HDAC9: variants seen among roughly 807,000 people sequenced by gnomAD.
The protein encoded by HDAC9 is MEF-2 interacting transcription repressor (MITR) protein.
In HDAC9, 41 loss-of-function variants were observed where a neutral mutation model predicts 139.4. The ratio of observed to expected loss-of-function variants is 0.29; its 90% confidence interval spans 0.23 to 0.38. The LOEUF is 0.38. Ranked by LOEUF, HDAC9 falls within the 10% of genes least tolerant of loss-of-function variation. The pLI is 1.00. For synonymous variants in HDAC9, 517 were observed against 476.2 expected (o/e 1.09, Z -1.12); for missense variants, 1,147 against 1,297.0 (o/e 0.88, Z 1.78).
At chr7:18,920,497 C>A (rs1443699718) in intron 22 of HDAC9, among the ~76,000 whole-genome samples, 1 of 152,094 alleles carries the variant, frequency 6.6e-6, no homozygotes, top group East Asian at 1.9e-4. Flanking sequence ...CCTTCTCCTG[C>A]CTGATTGCCC....
intron 1 of HDAC9, among the ~76,000 whole-genome samples, chr7:18,142,427 A>G (rs1785971233): frequency 6.6e-6 from 1 of 152,068 alleles, no homozygotes; most frequent in Non-Finnish European, 1.5e-5. Flanking sequence ...CTCCCTATTA[A>G]AAAAATACAC....
intron 2 of HDAC9, among the ~76,000 whole-genome samples, chr7:18,520,246 A>G (rs1288788650): frequency 6.6e-6 from 1 of 152,158 alleles, no homozygotes; most frequent in Non-Finnish European, 1.5e-5. Flanking sequence ...TAATCATGCT[A>G]TATTTTTCTT....
intron 22 of HDAC9, among the ~76,000 whole-genome samples, chr7:18,915,115 G>A (rs949578722): frequency 5.3e-5 from 8 of 152,082 alleles, no homozygotes; most frequent in African/African-American, 9.7e-5. Flanking sequence ...GTCTGTATGT[G>A]TAGGGGATGT....
chr7:18,549,175 T>C (rs539581249), intron 2 of HDAC9, among the ~76,000 whole-genome samples: 1 of 151,944 alleles, frequency 6.6e-6, no homozygotes, highest in Non-Finnish European at 1.5e-5. Context: ...GAGGTGGGGG[T>C]TGCAGTGAGC....
chr7:18,696,815 A>G (rs1783087140), intron 12 of HDAC9, among the ~76,000 whole-genome samples: 1 of 152,064 alleles, frequency 6.6e-6, no homozygotes, highest in African/African-American at 2.4e-5. Flanking sequence ...CTGTACAATT[A>G]CAGGTGAGAT....
intron 14 of HDAC9, among the ~76,000 whole-genome samples, chr7:18,759,066 A>C (rs543031578): frequency 1.6e-4 from 25 of 152,308 alleles, no homozygotes; most frequent in African/African-American, 5.8e-4. Flanking sequence ...GGTACATTTT[A>C]ATGGCAAGGA....
intron 1 of HDAC9, among the ~76,000 whole-genome samples, chr7:18,431,989 C>T (rs1414829248): frequency 6.6e-6 from 1 of 152,222 alleles, no homozygotes; most frequent in Non-Finnish European, 1.5e-5. Flanking sequence ...CCTTCCTCCT[C>T]ACATCCTTCT....
At chr7:18,589,199 G>A (rs939700830) in intron 3 of HDAC9, among the ~76,000 whole-genome samples, 6 of 152,074 alleles carry the variant, frequency 3.9e-5, no homozygotes, top group African/African-American at 1.4e-4. Context: ...CTCAGTCTGA[G>A]TGGAAATAGA....
chr7:18,345,212 G>A (rs1585276983), intron 1 of HDAC9, among the ~76,000 whole-genome samples: 1 of 151,922 alleles, frequency 6.6e-6, no homozygotes, highest in East Asian at 1.9e-4. Context: ...CCAAAGCCCA[G>A]AATTTTCTTT....
chr7:18,246,063 G>A (rs932578704), intron 2 of HDAC9, among the ~76,000 whole-genome samples: 1 of 150,302 alleles, frequency 6.7e-6, no homozygotes, highest in African/African-American at 2.5e-5. Flanking sequence ...CCTTCATGGA[G>A]CTTTCATTCT....
At chr7:18,188,728 G>A (rs1490788769) in intron 2 of HDAC9, among the ~76,000 whole-genome samples, 1 of 152,118 alleles carries the variant, frequency 6.6e-6, no homozygotes, top group Non-Finnish European at 1.5e-5. Flanking sequence ...CATAGCCAGC[G>A]AACATGTGAA....
intron 1 of HDAC9, among the ~76,000 whole-genome samples, chr7:18,311,674 C>G (rs930042795): frequency 3.3e-5 from 5 of 152,128 alleles, no homozygotes; most frequent in Admixed American, 1.3e-4. Context: ...CTTACCTAGT[C>G]AGCTCCTTCA....
intron 12 of HDAC9, among the ~76,000 whole-genome samples, chr7:18,707,368 G>A (rs911795881): frequency 2.0e-5 from 3 of 152,200 alleles, no homozygotes; most frequent in Admixed American, 6.5e-5. Context: ...AGAAGTCAAT[G>A]TGGGGAGATA....
At chr7:18,676,729 C>A (rs4721717) in intron 12 of HDAC9, among the ~76,000 whole-genome samples, 52,634 of 151,538 alleles carry the variant, frequency 0.35, 13,724 homozygotes, top group African/African-American at 0.71. Context: ...TCTTTATCAC[C>A]TACAAATCTT....
intron 17 of HDAC9, 55 bp from the exon 18 acceptor site, chr7:18,829,106 C>T: frequency 1.6e-6 from 2 of 1,257,950 alleles, no homozygotes; most frequent in Non-Finnish European, 2.3e-6. Flanking sequence ...CAAGCAATCC[C>T]TCTCCTACCC....
At chr7:18,749,955 G>C (rs975583907) in intron 14 of HDAC9, among the ~76,000 whole-genome samples, 17 of 152,016 alleles carry the variant, frequency 1.1e-4, no homozygotes, top group Admixed American at 1.1e-3. Context: ...TCTCTGTTAG[G>C]TTCTAAACAT....
intron 25 of HDAC9, among the ~76,000 whole-genome samples, chr7:18,980,745 CCTT>C (rs1230339394): frequency 9.2e-5 from 3 of 32,714 alleles, no homozygotes; most frequent in Non-Finnish European, 2.1e-4. Context: ...TCTTCTTCTT[CCTT>C]CTTCTTCTTC....
chr7:18,795,257 T>TAAAAAAAA (rs5882676), intron 17 of HDAC9, among the ~76,000 whole-genome samples: 16 of 65,490 alleles, frequency 2.4e-4, no homozygotes, highest in African/African-American at 4.8e-4. Context: ...AAGAAAACAG[T>TAAAAAAAA]AAAAAAAAAA....
At chr7:18,267,138 A>G (rs546303835) in intron 2 of HDAC9, among the ~76,000 whole-genome samples, 1 of 152,260 alleles carries the variant, frequency 6.6e-6, no homozygotes, top group South Asian at 2.1e-4. Flanking sequence ...TGGCTTTATT[A>G]TGATAGTGTA....
Sources: gnomAD v4.1 joint callset for allele counts (sites outside exome capture counted in the v4.1 genomes callset) on GRCh38, gnomAD v4.1.1 for gene constraint, MANE v1.5 for transcripts, NCBI Gene and HGNC (gene_info 2026-07-23, HGNC 2026-07-21) for gene names.